DSCAM: variants seen among roughly 807,000 people sequenced by gnomAD.
DSCAM encodes DS cell adhesion molecule.
Under a neutral mutation model 217.7 loss-of-function variants are expected in DSCAM, and 47 were observed. The ratio of observed to expected loss-of-function variants is 0.22; its 90% confidence interval spans 0.17 to 0.28. The LOEUF is 0.28. Among genes scored for constraint, DSCAM ranks in the 10% least tolerant of loss-of-function variants. The pLI is 1.00. For synonymous variants in DSCAM, 1,056 were observed against 1,015.3 expected (o/e 1.04, Z -0.76); for missense variants, 2,080 against 2,618.3 (o/e 0.79, Z 4.49).
At chr21:40,825,305 C>CCTTT in intron 1 of DSCAM, among the ~76,000 whole-genome samples, 1 of 140,486 alleles carries the variant, frequency 7.1e-6, no homozygotes, top group East Asian at 2.0e-4. Flanking sequence ...TTCCTTCCTT[C>CCTTT]CTTCCTTCCT....
chr21:40,169,809 C>T (rs1031368085), intron 15 of DSCAM, among the ~76,000 whole-genome samples: 1 of 152,068 alleles, frequency 6.6e-6, no homozygotes, highest in African/African-American at 2.4e-5. Flanking sequence ...CTCCTTCACA[C>T]ACTTGCTGAT....
intron 3 of DSCAM, among the ~76,000 whole-genome samples, chr21:40,442,020 T>C (rs1035928736): frequency 1.3e-5 from 2 of 152,180 alleles, no homozygotes; most frequent in Admixed American, 1.3e-4. Flanking sequence ...TTCTAGATTA[T>C]AGATCCAGAG....
intron 3 of DSCAM, among the ~76,000 whole-genome samples, chr21:40,403,643 ACAC>A (rs2075257560): frequency 6.6e-6 from 1 of 151,412 alleles, no homozygotes; most frequent in Non-Finnish European, 1.5e-5. Context: ...ACACACACAC[ACAC>A]ACACACACAC....
At position 40,179,184 on chromosome 21, in the gene DSCAM, C is replaced by CAAAAAAAAAAA. The variant is rs11286508; in HGVS notation, c.2780-101_2780-91dup. On this transcript the variant is annotated intron_variant, in intron 14 of 32. Transcript: ENST00000400454. Reference sequence around the variant, plus strand: ...AAGTTCACAAGTAGGAATTAAAAACCAAAAAAAAAAAAAAAAAAAAAAAAA... The same window carrying CAAAAAAAAAAA: ...AAGTTCACAAGTAGGAATTAAAAACCAAAAAAAAAAAAAAAAAAAAAAAAAAAAAAAAAAAA... 8 of 102,630 alleles carry CAAAAAAAAAAA rather than the reference C, an allele frequency of 7.8e-5. 2 individuals are homozygous for CAAAAAAAAAAA. Among genetic ancestry groups the CAAAAAAAAAAA allele is most frequent in the Non-Finnish European group, 1.2e-4 (7 of 57,926 alleles). 6.4% of individuals were successfully genotyped at this position (102,630 alleles called of 1,614,324 possible).
chr21:40,783,961 T>A (rs896810993), intron 1 of DSCAM, among the ~76,000 whole-genome samples: 7 of 152,006 alleles, frequency 4.6e-5, no homozygotes, highest in Non-Finnish European at 8.8e-5. Flanking sequence ...CTAATAGGTA[T>A]GCAATATTTT....
intron 32 of DSCAM, among the ~76,000 whole-genome samples, chr21:40,035,228 T>C (rs1225623020): frequency 8.7e-6 from 1 of 115,230 alleles, no homozygotes; most frequent in Admixed American, 8.9e-5. Context: ...GCAAATTGGA[T>C]AAAGAGTCAA....
In DSCAM at chr21:40,244,164, A is replaced by G. The variant is rs149916055; in HGVS notation, c.2356+31933T>C. On this transcript the variant is annotated intron_variant, in intron 11 of 32. Transcript: ENST00000400454. ...AGCCAAACTGTTATTAAAATTCACAATTGTGACCGGGAAGAGTGGTTCACG... is the reference window on the plus strand; with the variant it reads ...AGCCAAACTGTTATTAAAATTCACAGTTGTGACCGGGAAGAGTGGTTCACG... 5.2e-3 allele frequency among the ~76,000 whole-genome samples: 789 copies of G among 152,256 alleles called. 5 individuals carry two copies. Among genetic ancestry groups the G allele is most frequent in the African/African-American group, 0.017 (726 of 41,560 alleles).
In DSCAM at chr21:40,636,000, G is replaced by A. The variant is rs540397200; in HGVS notation, c.508+56810C>T. Among the ~76,000 whole-genome samples, 123 of 152,286 alleles carry A rather than the reference G, an allele frequency of 8.1e-4. 2 individuals carry two copies. The South Asian group carries it at 0.021, about 26-fold the overall frequency. On this transcript the variant is annotated intron_variant, in intron 3 of 32. Transcript: ENST00000400454. The stretch of plus-strand genomic sequence containing the variant: ...ACGCAGGCAAAATGAATTCTCTGAA[G>A]AGAAAAATGCATTTTGTTCTAATAT...
At chr21:40,181,722 A>G (rs2090804167) in intron 14 of DSCAM, among the ~76,000 whole-genome samples, 1 of 151,598 alleles carries the variant, frequency 6.6e-6, no homozygotes, top group South Asian at 2.1e-4. Flanking sequence ...CCTTCTGGCA[A>G]ATTATTGACT....
At position 40,085,747 on chromosome 21, in the gene DSCAM, T is replaced by C. The variant is rs770843022; in HGVS notation, c.3987A>G (p.Leu1329=). The C allele has an allele frequency of 6.5e-7, 1 of 1,529,014 alleles. No individual in the cohort carries two copies. Among genetic ancestry groups the C allele is most frequent in the Non-Finnish European group, 8.9e-7 (1 of 1,122,840 alleles). 94.7% of individuals were successfully genotyped at this position (1,529,014 alleles called of 1,614,324 possible). The change falls in exon 23 of 33, where the codon CTA becomes CTG. Residue 1329 remains leucine (L), a synonymous_variant. Transcript: ENST00000400454. ...WMKDSNGTPS[L]VTIDGRRSIF... is the part of the protein sequence containing the mutation. ...TGCTCCTCCGCCCATCAATCGTTAC[T>C]AGACTGGGTGTCCCGTTACTGCCTC... is the stretch of plus-strand genomic sequence containing the variant.
chr21:40,793,503 A>G (rs1400212896), intron 1 of DSCAM, among the ~76,000 whole-genome samples: 1 of 151,954 alleles, frequency 6.6e-6, no homozygotes, highest in East Asian at 1.9e-4. Flanking sequence ...TATTATTATT[A>G]TTTTTTGAGA....
intron 20 of DSCAM, among the ~76,000 whole-genome samples, chr21:40,123,167 A>ACACC (rs1444934356): frequency 7.2e-4 from 109 of 152,248 alleles, no homozygotes; most frequent in African/African-American, 2.5e-3. Context: ...ATTCGTGTTT[A>ACACC]ATGGGGACAG....
intron 3 of DSCAM, among the ~76,000 whole-genome samples, chr21:40,380,936 G>A (rs979720122): frequency 8.6e-5 from 13 of 151,826 alleles, no homozygotes; most frequent in Admixed American, 2.0e-4. Context: ...GGTGGCGGGC[G>A]CCTGTAGTCC....
chr21:40,202,142 A>C (rs2146858473), intron 11 of DSCAM, among the ~76,000 whole-genome samples: 1 of 152,300 alleles, frequency 6.6e-6, no homozygotes, highest in Non-Finnish European at 1.5e-5. Context: ...GAGAAGGACA[A>C]GTCTTGGGCC....
At chr21:40,800,592 T>A (rs1159064212) in intron 1 of DSCAM, among the ~76,000 whole-genome samples, 1 of 152,170 alleles carries the variant, frequency 6.6e-6, no homozygotes, top group East Asian at 1.9e-4. Flanking sequence ...ATTCTTCCTA[T>A]AAATTGGCAA....
chr21:40,400,700 A>G (rs765272867), intron 3 of DSCAM, among the ~76,000 whole-genome samples: 7 of 152,222 alleles, frequency 4.6e-5, no homozygotes, highest in Non-Finnish European at 7.3e-5. Flanking sequence ...TACAGGCATG[A>G]GCCGCTGTGC....
intron 11 of DSCAM, among the ~76,000 whole-genome samples, chr21:40,224,130 G>T (rs1464923889): frequency 1.3e-5 from 2 of 152,092 alleles, no homozygotes; most frequent in African/African-American, 4.8e-5. Flanking sequence ...AACTGAAAAA[G>T]AATTTTTGAA....
intron 3 of DSCAM, among the ~76,000 whole-genome samples, chr21:40,419,246 G>T (rs1001873789): frequency 7.9e-5 from 12 of 151,620 alleles, no homozygotes; most frequent in East Asian, 3.9e-4. Context: ...CTCCCAAAGT[G>T]CTGGGATTAC....
At chr21:40,636,094 T>A (rs1001482947) in intron 3 of DSCAM, among the ~76,000 whole-genome samples, 8 of 152,176 alleles carry the variant, frequency 5.3e-5, no homozygotes, top group Non-Finnish European at 4.4e-5. Context: ...CGAGATAGAT[T>A]ATGCAAATGC....
Sources: gnomAD v4.1 joint callset for allele counts (sites outside exome capture counted in the v4.1 genomes callset) on GRCh38, gnomAD v4.1.1 for gene constraint, MANE v1.5 for transcripts, NCBI Gene and HGNC (gene_info 2026-07-23, HGNC 2026-07-21) for gene names.